The following ATP5F1A variants were observed in gnomAD, a reference collection of about 807,000 sequenced individuals.
ATP5F1A encodes the protein ATP synthase F1 subunit alpha, also known as ATP synthase F(1) complex subunit alpha, mitochondrial.
A neutral mutation model predicts 57.4 loss-of-function variants in ATP5F1A; 24 were observed. The ratio of observed to expected loss-of-function variants is 0.42; its 90% CI spans 0.30 to 0.59. The LOEUF is 0.59. Among genes scored for constraint, ATP5F1A ranks in the 20% least tolerant of loss-of-function variants. ATP5F1A has a pLI of 0.19. For synonymous variants in ATP5F1A, 251 were observed against 255.5 expected, an observed-to-expected ratio of 0.98 and a Z score of 0.17; for missense variants, 494 against 707.9, an observed-to-expected ratio of 0.70 and a Z score of 3.43.
In ATP5F1A at chr18:46,087,287, T is replaced by C. The variant is rs904019651; in HGVS notation, c.951+54A>G. On this transcript the variant is annotated intron_variant, in intron 7 of 11. Coordinates refer to ENST00000398752, the MANE Select transcript of ATP5F1A (RefSeq NM_004046.6). The stretch of plus-strand genomic sequence containing the variant: ...ACCTATTAAATAGAAGTTGCATATG[T>C]GAACTTTTACTTCAGTACAAATAAA... The C allele has an allele frequency of 2.5e-6, 4 of 1,611,460 alleles. No individual in the cohort carries two copies. In the African/African-American group the frequency reaches 4.0e-5, roughly 16 times the overall value.
intron 6 of ATP5F1A, 41 bp downstream of exon 6, chr18:46,088,068 G>A (rs756050260): frequency 1.1e-5 from 18 of 1,577,320 alleles, no homozygotes; most frequent in Non-Finnish European, 1.0e-5. Flanking sequence ...GCAGCAATGG[G>A]ACTTAAGATA....
chr18:46,086,736 T>C (rs190238960), intron 8 of ATP5F1A: 7 of 584,346 alleles, frequency 1.2e-5, no homozygotes, highest in Non-Finnish European at 2.0e-5. Flanking sequence ...TGAAGTGATA[T>C]AATTTCTATT....
intron 1 of ATP5F1A, among the ~76,000 whole-genome samples, chr18:46,095,628 T>G (rs998551416): frequency 1.3e-5 from 2 of 151,786 alleles, no homozygotes; most frequent in Non-Finnish European, 2.9e-5. Flanking sequence ...TTTTTTTTTC[T>G]TTTTTGGGAC....
rs367903141 is a variant in ATP5F1A, at chr18:46,095,102, G to T, written c.90C>A (p.Phe30Leu). ...AGGCATGGAAGTTCCTTGCAGCAATGAAAGATGAACCCAAAGCATTTCTGG... is the reference window on the plus strand; with the variant it reads ...AGGCATGGAAGTTCCTTGCAGCAATTAAAGATGAACCCAAAGCATTTCTGG... ...LVSRNALGSS[F>L]IAARNFHASN... is the part of the protein sequence containing the mutation. Residue 30 changes from phenylalanine (F) to leucine (L), a missense_variant, in exon 2 of 12, where the codon TTC becomes TTA. By Grantham distance (22) the Phe-to-Leu change is conservative (BLOSUM62 0). This residue lies in a region of ATP5F1A where 142 missense variants were observed against 137.5 expected (regional missense o/e 1.03). Transcript: ENST00000398752. 5.0e-6 allele frequency: 8 copies of T among 1,613,636 alleles called. No individual in the cohort carries two copies. The highest frequency in any genetic ancestry group is 5.9e-6 in the Non-Finnish European group (7 of 1,179,868).
chr18:46,088,080 T>C (rs1389361779), intron 6 of ATP5F1A, 29 bp downstream of exon 6: 15 of 1,584,002 alleles, frequency 9.5e-6, no homozygotes, highest in African/African-American at 6.9e-5. Context: ...CTTAAGATAA[T>C]AGCAATGGGA....
chr18:46,091,217 C>T (rs1263192891), intron 3 of ATP5F1A, among the ~76,000 whole-genome samples: 1 of 152,212 alleles, frequency 6.6e-6, no homozygotes, highest in Non-Finnish European at 1.5e-5. Flanking sequence ...AGATGAGGCT[C>T]AACCCAATAC....
intron 5 of ATP5F1A, chr18:46,089,314 TG>T: frequency 2.3e-6 from 1 of 437,464 alleles, no homozygotes; most frequent in Non-Finnish European, 4.1e-6. Context: ...GTGCCCAACA[TG>T]GGGCTCAAAC....
rs1363332826 is a variant in ATP5F1A at position 46,089,561 on chromosome 18, T to G, written c.650+5A>C. 6.2e-7 allele frequency: 1 copy of G among 1,613,330 alleles called. No homozygotes were observed. Among genetic ancestry groups the G allele is most frequent in the Admixed American group, 1.7e-5 (1 of 59,808 alleles). Reference sequence around the variant, plus strand: ...AGAACTTTTAATATGCTTTTGAGTCTTTACCCAGTCTGTCGGTCACCAATA... The same window carrying G: ...AGAACTTTTAATATGCTTTTGAGTCGTTACCCAGTCTGTCGGTCACCAATA... On this transcript the variant is annotated splice_donor_5th_base_variant and intron_variant, in intron 5 of 11. Coordinates refer to ENST00000398752, the MANE Select transcript of ATP5F1A (RefSeq NM_004046.6).
At chr18:46,086,838 T>C (rs1010170683) in intron 8 of ATP5F1A, 170 bp downstream of exon 8, 12 of 709,692 alleles carry the variant, frequency 1.7e-5, no homozygotes, top group Non-Finnish European at 2.3e-5. Context: ...GGGTGACAGA[T>C]ACATGGGGTT....
intron 6 of ATP5F1A, chr18:46,087,714 T>C: frequency 1.9e-6 from 1 of 519,010 alleles, no homozygotes; most frequent in Non-Finnish European, 3.4e-6. Flanking sequence ...ACTCCGTCTC[T>C]ACTAAAAATA....
rs1270955338 is a variant in ATP5F1A, at chr18:46,089,553, T to C, written c.650+13A>G. On this transcript the variant is annotated intron_variant, in intron 5 of 11. Coordinates refer to ENST00000398752, the MANE Select transcript of ATP5F1A (RefSeq NM_004046.6). ...TTTTAGTTAGAACTTTTAATATGCT[T>C]TTGAGTCTTTACCCAGTCTGTCGGT... 6.2e-7 allele frequency: 1 copy of C among 1,611,862 alleles called. No individual in the cohort carries two copies. Among genetic ancestry groups the C allele is most frequent in the Non-Finnish European group, 8.5e-7 (1 of 1,179,266 alleles).
intron 10 of ATP5F1A, chr18:46,085,832 C>CT (rs1175636937): frequency 2.8e-6 from 1 of 358,198 alleles, no homozygotes; most frequent in African/African-American, 2.1e-5. Flanking sequence ...ACTAAGGAGG[C>CT]TGAGGCAGGA....
At chr18:46,103,739 C>A (rs889782172) in intron 1 of ATP5F1A, among the ~76,000 whole-genome samples, 1 of 151,452 alleles carries the variant, frequency 6.6e-6, no homozygotes, top group Non-Finnish European at 1.5e-5. Flanking sequence ...TATGGTGAAA[C>A]CCCGTCTCTA....
rs1270442651 is a variant in ATP5F1A at position 46,081,799 on chromosome 18, A to C, written c.*2483T>G. Reference sequence around the variant, plus strand: ...TCAAGTAGCTAGAAAGCAAGAGTTGATCAGAAATGACCAACTGCTATCAAG... The same window carrying C: ...TCAAGTAGCTAGAAAGCAAGAGTTGCTCAGAAATGACCAACTGCTATCAAG... On this transcript the variant is annotated 3_prime_UTR_variant, in exon 12 of 12. Coordinates refer to ENST00000398752, the MANE Select transcript of ATP5F1A (RefSeq NM_004046.6). The C allele has an allele frequency of 6.6e-6, 1 of 151,900 alleles. No homozygotes were observed. The highest frequency in any genetic ancestry group is 2.4e-5 in the African/African-American group (1 of 41,404). 9.4% of individuals were successfully genotyped at this position (151,900 alleles called of 1,614,324 possible).
chr18:46,089,612 T>C lies in ATP5F1A; in HGVS notation c.604A>G (p.Ile202Val), dbSNP rs377180451. Residue 202 changes from isoleucine to valine, a missense_variant, in exon 5 of 12, where the codon ATT becomes GTT. Physicochemically the swap from Ile to Val is conservative, Grantham distance 29. Coordinates refer to ENST00000398752, the MANE Select transcript of ATP5F1A (RefSeq NM_004046.6). ...GIKAVDSLVP[I>V]GRGQRELIIG... ...ATCAGTTCACGCTGACCACGACCAA[T>C]TGGCACCAAGCTATCCACAGCCTTA... is the stretch of plus-strand genomic sequence containing the variant. 60 of 1,614,114 alleles carry C rather than the reference T, an allele frequency of 3.7e-5. No individual in the cohort carries two copies. Among genetic ancestry groups the C allele is most frequent in the Admixed American group, 5.0e-5 (3 of 60,010 alleles).
At chr18:46,095,951 CGATCTTG>C (rs886391288) in intron 1 of ATP5F1A, among the ~76,000 whole-genome samples, 13 of 151,826 alleles carry the variant, frequency 8.6e-5, no homozygotes, top group African/African-American at 2.9e-4. Flanking sequence ...TGCAGGGGCA[CGATCTTG>C]GCTCATTGCA....
chr18:46,095,245 C>A, intron 1 of ATP5F1A, 114 bp from the exon 2 acceptor site: 1 of 923,484 alleles, frequency 1.1e-6, no homozygotes, highest in South Asian at 1.8e-5. Flanking sequence ...ATGCTAATTA[C>A]ATATAAAGCA....
chr18:46,089,001 T>TC (rs34008212), intron 5 of ATP5F1A, among the ~76,000 whole-genome samples: 1 of 151,686 alleles, frequency 6.6e-6, no homozygotes, highest in Non-Finnish European at 1.5e-5. Context: ...ACAGCACCTT[T>TC]CCTTAAACTT....
chr18:46,100,251 TAAAAAAA>T (rs34683117), upstream of ATP5F1A, among the ~76,000 whole-genome samples: 1 of 68,670 alleles, frequency 1.5e-5, no homozygotes, highest in Admixed American at 1.8e-4. Context: ...AAACTCCATC[TAAAAAAA>T]AAAAAAAAAA....
Sources: gnomAD v4.1 joint callset for allele counts (sites outside exome capture counted in the v4.1 genomes callset) on GRCh38, gnomAD v4.1.1 for gene constraint, gnomAD v4.1.1 regional missense constraint, MANE v1.5 for transcripts, NCBI Gene and HGNC (gene_info 2026-07-23, HGNC 2026-07-21) for gene names.